ADGRA2: variants seen among roughly 807,000 people sequenced by gnomAD.
The protein encoded by ADGRA2 is adhesion G protein-coupled receptor A2.
A neutral mutation model predicts 98.7 loss-of-function variants in ADGRA2; 61 were observed. The observed-to-expected ratio is 0.62, with a 90% CI of 0.50 to 0.76. The LOEUF is 0.76. ADGRA2 is among the 30% of genes least tolerant of loss of function. ADGRA2 has a pLI of 0.00. For synonymous variants in ADGRA2, 858 were observed against 831.5 expected (o/e 1.03, Z -0.55); for missense variants, 1,712 against 1,860.0 (o/e 0.92, Z 1.46).
intron 1 of ADGRA2, among the ~76,000 whole-genome samples, chr8:37,805,696 C>T (rs909740296): frequency 2.6e-5 from 4 of 151,830 alleles, no homozygotes; most frequent in Non-Finnish European, 4.4e-5. Flanking sequence ...AGTGAAACCC[C>T]GTCTCTACTA....
rs761652656 is a variant in ADGRA2 at position 37,840,116 on chromosome 8, C to G, written c.2512-5C>G. ...GTCCCCAGCCTCCGTGCCTTGACCC[C>G]GCAGGTGGGCATCACCCTGCACTAC... On this transcript the variant is annotated splice_region_variant and splice_polypyrimidine_tract_variant and intron_variant, in intron 16 of 18. Transcript: ENST00000412232. 2.5e-6 allele frequency: 4 copies of G among 1,583,954 alleles called. No homozygotes were observed. The Admixed American group carries it at 6.9e-5, about 27-fold the overall frequency.
chr8:37,838,655 G>A (rs958146849), intron 14 of ADGRA2, among the ~76,000 whole-genome samples: 23 of 150,764 alleles, frequency 1.5e-4, no homozygotes, highest in Non-Finnish European at 4.4e-5. Context: ...CTCCAGTCCT[G>A]CAGGCCTGCT....
chr8:37,840,396 G>T, intron 17 of ADGRA2, 130 bp downstream of exon 17: 1 of 949,086 alleles, frequency 1.1e-6, no homozygotes, highest in Non-Finnish European at 1.7e-6. Flanking sequence ...GGGGAGGCTA[G>T]GCCCTAGACT....
chr8:37,820,484 C>T (rs1387930765), intron 2 of ADGRA2, among the ~76,000 whole-genome samples: 1 of 152,238 alleles, frequency 6.6e-6, no homozygotes, highest in Non-Finnish European at 1.5e-5. Flanking sequence ...GACCCCTAGA[C>T]TGAGGGCCTA....
chr8:37,839,135 C>T, intron 15 of ADGRA2, 52 bp downstream of exon 15: 1 of 1,602,664 alleles, frequency 6.2e-7, no homozygotes, highest in Non-Finnish European at 8.5e-7. Flanking sequence ...GGAAGGGGCC[C>T]CTACCCTGTC....
chr8:37,838,050 T>C, intron 14 of ADGRA2, 111 bp downstream of exon 14: 1 of 932,382 alleles, frequency 1.1e-6, no homozygotes. Context: ...CAGAAAGGAC[T>C]GCAGCCCTAA....
At position 37,831,422 on chromosome 8, in the gene ADGRA2, G is replaced by A; in HGVS notation, c.933-1G>A. 1 of 1,610,004 alleles carries A rather than the reference G, an allele frequency of 6.2e-7. No individual in the cohort carries two copies. The highest frequency in any genetic ancestry group is 8.5e-7 in the Non-Finnish European group (1 of 1,179,858). ...GAGCCAGCTCCACCTGCCACCCGCA[G>A]TGAGCTGACGCTGTCTCACATCGGC... On this transcript the variant is annotated splice_acceptor_variant, in intron 7 of 18. Coordinates refer to ENST00000412232, the MANE Select transcript of ADGRA2 (RefSeq NM_032777.10). LOFTEE classifies it high-confidence loss of function.
rs1011429600 is a variant in ADGRA2 at position 37,802,034 on chromosome 8, A to G, written c.266+4500A>G. ...TGCCCACCACGCAGGCTGCCCACCTAGGGGAGAAGAGGCTGTCTGCCGCAG... is the reference window on the plus strand; with the variant it reads ...TGCCCACCACGCAGGCTGCCCACCTGGGGGAGAAGAGGCTGTCTGCCGCAG... On this transcript the variant is annotated intron_variant, in intron 1 of 18. Coordinates refer to ENST00000412232, the MANE Select transcript of ADGRA2 (RefSeq NM_032777.10). This position sits in a 1 kb window ranked among gnomAD's most constrained non-coding sequence, Gnocchi z 4.7. Among the ~76,000 whole-genome samples the G allele has an allele frequency of 1.1e-4, 17 of 152,186 alleles. No homozygotes were observed. Among genetic ancestry groups the G allele is most frequent in the Non-Finnish European group, 1.0e-4 (7 of 68,028 alleles).
rs1402694868 is a variant in ADGRA2, at chr8:37,840,828, A to G, written c.2726A>G (p.Asn909Ser). Reference protein sequence around the residue: ...CGITAAVNIHNYRDHSPYCWL... With the variant: ...CGITAAVNIHSYRDHSPYCWL... ...ATCACAGCTGCAGTCAACATCCACA[A>G]CTACCGGGACCACAGCCCCTAGTGA... Residue 909 changes from asparagine (N) to serine (S), a missense_variant, in exon 18 of 19, where the codon AAC becomes AGC. Physicochemically the swap from Asn to Ser is conservative, Grantham distance 46. Coordinates refer to ENST00000412232, the MANE Select transcript of ADGRA2 (RefSeq NM_032777.10). 1.2e-6 allele frequency: 2 copies of G among 1,605,004 alleles called. No individual in the cohort carries two copies. Among genetic ancestry groups the G allele is most frequent in the South Asian group, 1.1e-5 (1 of 90,746 alleles).
intron 1 of ADGRA2, among the ~76,000 whole-genome samples, chr8:37,801,274 C>T (rs1402400939): frequency 3.3e-5 from 5 of 152,240 alleles, no homozygotes; most frequent in Non-Finnish European, 7.3e-5. Flanking sequence ...TGGCTTCCTT[C>T]CTGATCCCTC....
intron 2 of ADGRA2, among the ~76,000 whole-genome samples, chr8:37,815,256 G>A (rs958800625): frequency 6.6e-6 from 1 of 152,262 alleles, no homozygotes; most frequent in African/African-American, 2.4e-5. Context: ...TTAGCTGTGA[G>A]GGCCGAGCTC....
chr8:37,806,526 C>CTTTTTGTTTTTTTTTT (rs756594430), intron 1 of ADGRA2, among the ~76,000 whole-genome samples: 1 of 100,356 alleles, frequency 1.0e-5, no homozygotes, highest in Non-Finnish European at 1.9e-5. Context: ...TTTTCTTTTT[C>CTTTTTGTTTTTTTTTT]TTTTTTTTTT....
Position 37,841,856 on chromosome 8 carries a change from CCAA to C in ADGRA2, c.3523_3525del (p.Asn1175del), listed in dbSNP as rs1805807801. 2.0e-5 allele frequency: 30 copies of C among 1,534,170 alleles called. No individual in the cohort carries two copies. The East Asian group carries it at 7.4e-4, about 38-fold the overall frequency. On this transcript the variant is annotated inframe_deletion, in exon 19 of 19. Transcript: ENST00000412232. This position sits in a 1 kb window ranked among gnomAD's most constrained non-coding sequence, Gnocchi z 5.0. ...CGGGGAAACCTCGCCCACCGCCACC[CCAA>C]CAACGTGCACCACGGGCGTCGGGCG...
At chr8:37,822,955 G>T (rs561064578) in intron 2 of ADGRA2, among the ~76,000 whole-genome samples, 98 of 150,088 alleles carry the variant, frequency 6.5e-4, no homozygotes, top group African/African-American at 2.2e-3. Context: ...GCAGTGGTGC[G>T]ATCTCGGCTT....
Position 37,830,960 on chromosome 8 carries a change from G to A in ADGRA2, c.932+37G>A, listed in dbSNP as rs769237739. ...GCTGCCCCTCCTCAGGCCTCAGCAT[G>A]GGGTTAGGGGACCTACCCTACCCGT... On this transcript the variant is annotated intron_variant, in intron 7 of 18. Transcript: ENST00000412232. This position sits in a 1 kb window ranked among gnomAD's most constrained non-coding sequence, Gnocchi z 4.8. 2.0e-6 allele frequency: 3 copies of A among 1,483,756 alleles called. No individual in the cohort carries two copies. The highest frequency in any genetic ancestry group is 2.4e-5 in the South Asian group (2 of 81,684). 91.9% of individuals were successfully genotyped at this position (1,483,756 alleles called of 1,614,324 possible). A position where few individuals can be genotyped will look rare whatever the true frequency, so the allele number is the denominator to read the frequency against.
chr8:37,829,370 GGAA>G, intron 4 of ADGRA2, 38 bp downstream of exon 4: 3 of 1,585,362 alleles, frequency 1.9e-6, no homozygotes, highest in Non-Finnish European at 1.7e-6. Flanking sequence ...GGGAGGAGAG[GGAA>G]GAAGTGCATA....
At chr8:37,819,946 C>T (rs1805085646) in intron 2 of ADGRA2, among the ~76,000 whole-genome samples, 1 of 152,208 alleles carries the variant, frequency 6.6e-6, no homozygotes. Flanking sequence ...GCTGGGATTA[C>T]AGGCATGAGC....
At chr8:37,812,935 C>T (rs887761925) in intron 1 of ADGRA2, among the ~76,000 whole-genome samples, 6 of 152,048 alleles carry the variant, frequency 3.9e-5, no homozygotes, top group Admixed American at 3.3e-4. Flanking sequence ...GTGATCTGCC[C>T]GTCCCAGCCT....
intron 2 of ADGRA2, among the ~76,000 whole-genome samples, chr8:37,826,271 A>AG (rs1266839875): frequency 1.3e-5 from 2 of 152,088 alleles, no homozygotes; most frequent in Non-Finnish European, 2.9e-5. Context: ...AACAGGGGCC[A>AG]GGGGGCACAT....
Sources: allele counts gnomAD v4.1 joint callset (sites outside exome capture counted in the v4.1 genomes callset), GRCh38; gene constraint gnomAD v4.1.1; non-coding constraint Gnocchi (gnomAD v3.1); transcripts MANE v1.5; gene names NCBI Gene and HGNC (gene_info 2026-07-23, HGNC 2026-07-21).